Variants in MYO1B observed in about 807,000 individuals in gnomAD.
MYO1B encodes the protein unconventional myosin-Ib.
In MYO1B, 72 loss-of-function variants were observed where a neutral mutation model predicts 159.7. That is an observed-to-expected ratio of 0.45 (90% confidence interval 0.37 to 0.55). The LOEUF is 0.55. Ranked by LOEUF, MYO1B falls within the 20% of genes least tolerant of loss-of-function variation. The pLI is 0.00. For synonymous variants in MYO1B, 468 were observed against 473.8 expected, an observed-to-expected ratio of 0.99 and a Z score of 0.16; for missense variants, 1,062 against 1,364.8, an observed-to-expected ratio of 0.78 and a Z score of 3.50.
At chr2:191,416,758 G>A (rs1697595814) in intron 30 of MYO1B, among the ~76,000 whole-genome samples, 1 of 151,998 alleles carries the variant, frequency 6.6e-6, no homozygotes, top group South Asian at 2.1e-4. Context: ...AGATTGCAAT[G>A]AGCCGAGATC....
chr2:191,400,635 T>C, intron 22 of MYO1B, 114 bp from the exon 23 acceptor site: 1 of 1,360,026 alleles, frequency 7.4e-7, no homozygotes, highest in East Asian at 2.4e-5. Context: ...CACATGCTTT[T>C]GCGTTTACCA....
intron 20 of MYO1B, among the ~76,000 whole-genome samples, 166 bp from the exon 21 acceptor site, chr2:191,396,263 A>G (rs1157231396): frequency 6.6e-6 from 1 of 152,216 alleles, no homozygotes; most frequent in Non-Finnish European, 1.5e-5. Context: ...ATTAACTGTA[A>G]TAATATTGGA....
At chr2:191,354,026 G>A (rs1479837784) in intron 7 of MYO1B, among the ~76,000 whole-genome samples, 1 of 152,078 alleles carries the variant, frequency 6.6e-6, no homozygotes, top group Non-Finnish European at 1.5e-5. Context: ...GGGAGGCCGA[G>A]GCAGGCGGAT....
intron 11 of MYO1B, among the ~76,000 whole-genome samples, 179 bp from the exon 12 acceptor site, chr2:191,369,363 A>G (rs1221734677): frequency 6.6e-6 from 1 of 152,246 alleles, no homozygotes; most frequent in Non-Finnish European, 1.5e-5. Context: ...GTAACTGTGT[A>G]TAAACAATTT....
Position 191,369,546 on chromosome 2 carries a change from A to G in MYO1B, c.1037A>G (p.Tyr346Cys). The change falls in exon 12 of 31, where the codon TAT (tyrosine) becomes TGT (cysteine). Residue 346 changes from tyrosine to cysteine, a missense_variant. Physicochemically the swap from Tyr to Cys is radical, Grantham distance 194. Coordinates refer to ENST00000392318, the MANE Select transcript of MYO1B (RefSeq NM_001130158.3). ...TGTTTGTTTGTTTTTTAATAGGCTT[A>G]TTATGCCCGTGATGCTCTGGCTAAA... ...VSTTLNVAQA[Y>C]YARDALAKNL... 1.9e-6 allele frequency: 3 copies of G among 1,612,920 alleles called. No individual in the cohort carries two copies. The highest frequency in any genetic ancestry group is 2.2e-5 in the South Asian group (2 of 90,988).
intron 3 of MYO1B, among the ~76,000 whole-genome samples, chr2:191,320,351 A>C (rs777444153): frequency 2.0e-5 from 3 of 152,172 alleles, no homozygotes; most frequent in Non-Finnish European, 4.4e-5. Flanking sequence ...GAATTATCTT[A>C]AAATTATTCC....
chr2:191,271,583 A>G (rs1438614619), intron 1 of MYO1B, among the ~76,000 whole-genome samples: 1 of 152,202 alleles, frequency 6.6e-6, no homozygotes, highest in East Asian at 1.9e-4. Context: ...CTTATTAATC[A>G]TTGCAACCTC....
At chr2:191,330,154 G>A (rs1574442297) in intron 4 of MYO1B, 125 bp downstream of exon 4, 3 of 695,720 alleles carry the variant, frequency 4.3e-6, no homozygotes, top group Non-Finnish European at 4.9e-6. Context: ...GCTTCTGCAG[G>A]AGGATACTGG....
intron 1 of MYO1B, 122 bp from the exon 2 acceptor site, chr2:191,276,765 C>CA (rs1687777059): frequency 8.4e-7 from 1 of 1,187,620 alleles, no homozygotes; most frequent in East Asian, 2.5e-5. Context: ...GAGGTTATGA[C>CA]ATTTTTTAAG....
At chr2:191,314,511 G>T (rs1281689222) in intron 3 of MYO1B, among the ~76,000 whole-genome samples, 1 of 152,182 alleles carries the variant, frequency 6.6e-6, no homozygotes, top group African/African-American at 2.4e-5. Context: ...AAAATTAGAT[G>T]TTGGTCTCTT....
In MYO1B at chr2:191,390,542, A is replaced by G. The variant is rs763140155; in HGVS notation, c.1982+50A>G. The G allele has an allele frequency of 5.8e-6, 9 of 1,549,710 alleles. No homozygotes were observed. The Admixed American group carries it at 7.7e-5, about 13-fold the overall frequency. On this transcript the variant is annotated intron_variant, in intron 18 of 30. Transcript: ENST00000392318. ...AATAATGAATGTTTTAAGTGGTCAA[A>G]TAATACGGTGTTTTTTCACATGCTG...
chr2:191,371,998 C>T (rs1694394882), intron 13 of MYO1B, among the ~76,000 whole-genome samples: 3 of 152,310 alleles, frequency 2.0e-5, no homozygotes, highest in East Asian at 1.9e-4. Flanking sequence ...AAATCACTGC[C>T]GAAATTAATT....
At chr2:191,398,574 C>T (rs1696356575) in intron 21 of MYO1B, among the ~76,000 whole-genome samples, 1 of 151,190 alleles carries the variant, frequency 6.6e-6, no homozygotes, top group African/African-American at 2.4e-5. Context: ...CAGAGACGCT[C>T]CTCACCTCCC....
chr2:191,308,911 G>A (rs1177687543), intron 3 of MYO1B, among the ~76,000 whole-genome samples: 5 of 152,070 alleles, frequency 3.3e-5, no homozygotes, highest in East Asian at 3.9e-4. Context: ...TCTTTCCCCC[G>A]CCTTGCTGGC....
chr2:191,421,195 G>T (rs866988641), intron 30 of MYO1B, among the ~76,000 whole-genome samples: 10 of 151,542 alleles, frequency 6.6e-5, no homozygotes, highest in South Asian at 6.3e-4. Flanking sequence ...TCAGTTCCCC[G>T]AGTAGCTGAG....
intron 7 of MYO1B, among the ~76,000 whole-genome samples, chr2:191,351,663 G>A (rs1316508662): frequency 6.6e-6 from 1 of 152,156 alleles, no homozygotes; most frequent in Non-Finnish European, 1.5e-5. Flanking sequence ...GAGGCAGGGG[G>A]ATCACCTGAG....
intron 7 of MYO1B, among the ~76,000 whole-genome samples, chr2:191,352,451 T>C (rs1197250474): frequency 6.6e-6 from 1 of 152,220 alleles, no homozygotes; most frequent in African/African-American, 2.4e-5. Flanking sequence ...TTCAGGATGA[T>C]TTTATTATTA....
intron 6 of MYO1B, among the ~76,000 whole-genome samples, chr2:191,349,956 A>G (rs939449131): frequency 1.3e-5 from 2 of 152,200 alleles, no homozygotes; most frequent in African/African-American, 4.8e-5. Flanking sequence ...GCAGTGGGTT[A>G]TATTAGCTTT....
At chr2:191,375,527 G>A (rs573066054) in intron 13 of MYO1B, among the ~76,000 whole-genome samples, 3 of 145,804 alleles carry the variant, frequency 2.1e-5, no homozygotes, top group Non-Finnish European at 4.6e-5. Context: ...ATCCAACTGT[G>A]TGAATAGCCA....
Sources: gnomAD v4.1 joint callset for allele counts (sites outside exome capture counted in the v4.1 genomes callset) on GRCh38, gnomAD v4.1.1 for gene constraint, MANE v1.5 for transcripts, NCBI Gene and HGNC (gene_info 2026-07-23, HGNC 2026-07-21) for gene names.